SGMS1: variants seen among roughly 807,000 people sequenced by gnomAD.
SGMS1 encodes the protein sphingomyelin synthase 1, also known as phosphatidylcholine:ceramide cholinephosphotransferase 1.
In SGMS1, 13 loss-of-function variants were observed where a neutral mutation model predicts 46.2. That is an observed-to-expected ratio of 0.28 (90% CI 0.18 to 0.45). The LOEUF is 0.45. Among genes scored for constraint, SGMS1 ranks in the 20% least tolerant of loss-of-function variants. The probability of loss-of-function intolerance (pLI) is 1.00; values close to 1 mark genes in which losing one functional copy is unlikely to be tolerated. For missense variants in SGMS1, 324 were observed against 519.9 expected (o/e 0.62, Z 3.66); for synonymous variants, 203 against 187.8 (o/e 1.08, Z -0.66).
intron 1 of SGMS1, chr10:50,623,504 C>CGGG: frequency 1.1e-6 from 1 of 905,226 alleles, no homozygotes; most frequent in Non-Finnish European, 1.3e-6. Context: ...CGGACCTCCC[C>CGGG]GCTGTGACCA....
In SGMS1 at chr10:50,477,924, T is replaced by G. The variant is rs549786272; in HGVS notation, c.-497-10992A>C. On this transcript the variant is annotated intron_variant, in intron 3 of 10. Transcript: ENST00000361781. ...GATTAAACCTCTTTTCTTTATAAAT[T>G]AGTCTCCAGTAGTTCTTTACAGCAG... Among the ~76,000 whole-genome samples the G allele has an allele frequency of 2.1e-4, 32 of 151,914 alleles. No homozygotes were observed. The South Asian group carries it at 6.2e-3, about 30-fold the overall frequency.
At position 50,352,720 on chromosome 10, in the gene SGMS1, C is replaced by T. The variant is rs143370966; in HGVS notation, c.-231-8375G>A. Among the ~76,000 whole-genome samples, 453 of 152,248 alleles carry T rather than the reference C, an allele frequency of 3.0e-3. 3 individuals are homozygous for T. Among genetic ancestry groups the T allele is most frequent in the African/African-American group, 0.011 (438 of 41,540 alleles). On this transcript the variant is annotated intron_variant, in intron 6 of 10. Transcript: ENST00000361781. ...AAATAGATTCAATAGTCTCACAGAT[C>T]TAAGCTTGTATCAAGGGTAGTCTAA...
upstream of SGMS1, chr10:50,624,504 G>A (rs1019914751): frequency 4.0e-6 from 3 of 753,832 alleles, no homozygotes; most frequent in East Asian, 1.3e-4. Context: ...GAAAAAAAAA[G>A]CCTCTGGCGA....
intron 3 of SGMS1, among the ~76,000 whole-genome samples, chr10:50,512,506 C>A (rs1268940745): frequency 6.6e-6 from 1 of 152,172 alleles, no homozygotes; most frequent in Non-Finnish European, 1.5e-5. Context: ...AACTCACATA[C>A]CAGTTCCAAA....
chr10:50,490,005 C>T (rs949051143), intron 3 of SGMS1, among the ~76,000 whole-genome samples: 15 of 152,148 alleles, frequency 9.9e-5, no homozygotes, highest in Admixed American at 4.6e-4. Context: ...AAAATAAAAA[C>T]GGCTTAGTCA....
chr10:50,608,309 T>C (rs750954401), intron 1 of SGMS1, among the ~76,000 whole-genome samples: 3 of 152,140 alleles, frequency 2.0e-5, no homozygotes, highest in African/African-American at 4.8e-5. Flanking sequence ...TTTTAACTTA[T>C]ACATTTTCTA....
chr10:50,544,775 C>T (rs1838085776), intron 2 of SGMS1, among the ~76,000 whole-genome samples: 2 of 152,140 alleles, frequency 1.3e-5, no homozygotes, highest in African/African-American at 4.8e-5. Context: ...CTGAAGCACA[C>T]AGCATTGGTC....
intron 2 of SGMS1, among the ~76,000 whole-genome samples, chr10:50,531,491 G>A (rs1837953050): frequency 6.6e-6 from 1 of 152,004 alleles, no homozygotes; most frequent in African/African-American, 2.4e-5. Flanking sequence ...CCCACAAGCT[G>A]GTACTCTGCA....
chr10:50,444,100 A>G (rs542029394), intron 5 of SGMS1, among the ~76,000 whole-genome samples: 11 of 152,304 alleles, frequency 7.2e-5, no homozygotes, highest in African/African-American at 2.6e-4. Context: ...CATATAGGAA[A>G]CAAGTTTTAA....
chr10:50,606,061 A>G (rs1470044447), intron 1 of SGMS1, among the ~76,000 whole-genome samples: 4 of 152,244 alleles, frequency 2.6e-5, no homozygotes, highest in Non-Finnish European at 5.9e-5. Context: ...CAGCAGCACT[A>G]ACCACAACAG....
chr10:50,625,010 C>T (rs781352611), upstream of SGMS1: 22 of 1,008,404 alleles, frequency 2.2e-5, no homozygotes, highest in Admixed American at 1.2e-4. Flanking sequence ...CTGGCGGGAC[C>T]GTCCTCCCCC....
chr10:50,600,699 T>A (rs1317267956), intron 1 of SGMS1, among the ~76,000 whole-genome samples: 1 of 152,212 alleles, frequency 6.6e-6, no homozygotes, highest in African/African-American at 2.4e-5. Context: ...AGAAAAGCCA[T>A]TTCTTATCCA....
intron 6 of SGMS1, among the ~76,000 whole-genome samples, chr10:50,425,296 A>G (rs926938989): frequency 2.0e-5 from 3 of 152,172 alleles, no homozygotes; most frequent in Admixed American, 1.3e-4. Flanking sequence ...AGATGCATTT[A>G]TATGTTCAAT....
At chr10:50,380,677 C>A (rs1848589414) in intron 6 of SGMS1, among the ~76,000 whole-genome samples, 2 of 152,160 alleles carry the variant, frequency 1.3e-5, no homozygotes, top group Admixed American at 1.3e-4. Flanking sequence ...CCATTCAGAA[C>A]CTGTTCCCCA....
rs540256319 is a variant in SGMS1, at chr10:50,523,669, C to T, written c.-588-3748G>A. ...AGAAAAGAATCCTTTTCATATAAAT[C>T]ATTTTCTGGTGTATTTCCATGTCTA... is the stretch of plus-strand genomic sequence containing the variant. On this transcript the variant is annotated intron_variant, in intron 2 of 10. Transcript: ENST00000361781. 1.2e-4 allele frequency among the ~76,000 whole-genome samples: 18 copies of T among 152,328 alleles called. No homozygotes were observed. The South Asian group carries it at 3.7e-3, about 32-fold the overall frequency.
intron 7 of SGMS1, among the ~76,000 whole-genome samples, chr10:50,339,568 G>A (rs576850548): frequency 7.8e-4 from 119 of 152,330 alleles, no homozygotes; most frequent in Non-Finnish European, 1.5e-3. Context: ...ACACTGGCCA[G>A]AATATAAGCT....
chr10:50,379,118 G>A (rs1848563702), intron 6 of SGMS1, among the ~76,000 whole-genome samples: 1 of 152,100 alleles, frequency 6.6e-6, no homozygotes, highest in Admixed American at 6.6e-5. Flanking sequence ...ACAGTCATAG[G>A]GCAATGTGAC....
At chr10:50,537,343 A>G (rs977700813) in intron 2 of SGMS1, among the ~76,000 whole-genome samples, 6 of 152,022 alleles carry the variant, frequency 3.9e-5, no homozygotes, top group African/African-American at 1.5e-4. Flanking sequence ...GGATGGTGTC[A>G]GAGATAAAAT....
At chr10:50,508,331 A>T (rs540122499) in intron 3 of SGMS1, among the ~76,000 whole-genome samples, 1 of 152,336 alleles carries the variant, frequency 6.6e-6, no homozygotes, top group Admixed American at 6.5e-5. Context: ...ATAGTAGGCC[A>T]CATGGGCTGT....
Sources: allele counts gnomAD v4.1 joint callset (sites outside exome capture counted in the v4.1 genomes callset), GRCh38; gene constraint gnomAD v4.1.1; transcripts MANE v1.5; gene names NCBI Gene and HGNC (gene_info 2026-07-23, HGNC 2026-07-21).